Variants in TRPM3 observed in about 807,000 individuals in gnomAD.
TRPM3 encodes the protein transient receptor potential cation channel subfamily M member 3.
A neutral mutation model predicts 181.2 loss-of-function variants in TRPM3; 77 were observed. The ratio of observed to expected loss-of-function variants is 0.42; its 90% CI spans 0.35 to 0.51. TRPM3 has a LOEUF of 0.51. TRPM3 is among the 20% of genes least tolerant of loss of function. The pLI is 0.01. For missense variants in TRPM3, 1,759 were observed against 2,196.7 expected, an observed-to-expected ratio of 0.80 and a Z score of 3.98; for synonymous variants, 745 against 796.4, an observed-to-expected ratio of 0.94 and a Z score of 1.09.
At chr9:71,070,686 AAG>A (rs1367555959) in intron 1 of TRPM3, among the ~76,000 whole-genome samples, 1 of 152,206 alleles carries the variant, frequency 6.6e-6, no homozygotes, top group African/African-American at 2.4e-5. Context: ...ACAGGATAAA[AAG>A]AGATGTTTAA....
intron 1 of TRPM3, among the ~76,000 whole-genome samples, chr9:71,406,608 G>A (rs2093440019): frequency 6.6e-6 from 1 of 152,144 alleles, no homozygotes; most frequent in Admixed American, 6.5e-5. Flanking sequence ...GGAAAAAGCA[G>A]TGTGACTAAA....
chr9:71,005,443 C>A (rs950614743), intron 1 of TRPM3, among the ~76,000 whole-genome samples: 9 of 151,698 alleles, frequency 5.9e-5, no homozygotes, highest in African/African-American at 1.7e-4. Flanking sequence ...GGTTAGCAAC[C>A]AAATTCAACC....
chr9:70,610,806 A>T (rs1438006156), intron 18 of TRPM3, 57 bp from the exon 19 acceptor site: 1 of 1,594,162 alleles, frequency 6.3e-7, no homozygotes, highest in Non-Finnish European at 8.6e-7. Context: ...CATGTTGTTC[A>T]ATGTGCTTAC....
At chr9:71,075,447 G>T (rs1244307572) in intron 1 of TRPM3, among the ~76,000 whole-genome samples, 2 of 152,136 alleles carry the variant, frequency 1.3e-5, no homozygotes, top group Non-Finnish European at 2.9e-5. Flanking sequence ...GCTCATTTTT[G>T]AATATTTGTA....
intron 22 of TRPM3, among the ~76,000 whole-genome samples, chr9:70,556,279 A>G (rs2047682893): frequency 6.6e-6 from 1 of 150,872 alleles, no homozygotes; most frequent in Non-Finnish European, 1.5e-5. Context: ...GAAACTTAAT[A>G]TCTTTATTGA....
At chr9:70,648,184 GA>G (rs2059148613) in intron 9 of TRPM3, among the ~76,000 whole-genome samples, 1 of 152,152 alleles carries the variant, frequency 6.6e-6, no homozygotes, top group Non-Finnish European at 1.5e-5. Flanking sequence ...CATGGAATTA[GA>G]AAAAACTGGC....
chr9:71,293,846 A>G (rs1445136520), intron 1 of TRPM3, among the ~76,000 whole-genome samples: 1 of 151,998 alleles, frequency 6.6e-6, no homozygotes, highest in African/African-American at 2.4e-5. Context: ...AAATAAGCCA[A>G]TGGAATGAGA....
At chr9:70,861,517 A>G (rs537370584) in intron 3 of TRPM3, among the ~76,000 whole-genome samples, 25 of 152,276 alleles carry the variant, frequency 1.6e-4, no homozygotes, top group East Asian at 9.7e-4. Context: ...CCACTCTACA[A>G]TGATTATTGC....
chr9:70,740,670 A>G (rs1260393572), intron 8 of TRPM3, among the ~76,000 whole-genome samples: 1 of 152,106 alleles, frequency 6.6e-6, no homozygotes, highest in Non-Finnish European at 1.5e-5. Context: ...CCAGAAATAA[A>G]GCCAATTGAT....
chr9:71,420,379 G>C (rs113684534), intron 1 of TRPM3, among the ~76,000 whole-genome samples: 1 of 151,884 alleles, frequency 6.6e-6, no homozygotes, highest in Non-Finnish European at 1.5e-5. Flanking sequence ...TGGGGGAAAT[G>C]TGAAAAGGGA....
At chr9:70,977,456 A>C (rs762546019) in intron 1 of TRPM3, among the ~76,000 whole-genome samples, 1 of 152,166 alleles carries the variant, frequency 6.6e-6, no homozygotes, top group Non-Finnish European at 1.5e-5. Context: ...TTCTTTACCC[A>C]CACCACTTCT....
chr9:71,076,844 A>G (rs899005121), intron 1 of TRPM3, among the ~76,000 whole-genome samples: 2 of 152,172 alleles, frequency 1.3e-5, no homozygotes, highest in African/African-American at 4.8e-5. Flanking sequence ...CACAAGGATC[A>G]CTGAATAGAG....
intron 8 of TRPM3, among the ~76,000 whole-genome samples, chr9:70,756,199 T>G (rs1378651480): frequency 1.3e-5 from 2 of 151,494 alleles, no homozygotes; most frequent in African/African-American, 4.9e-5. Context: ...AATCCTAATC[T>G]CTGATAAAAC....
At chr9:71,340,758 A>C (rs531178551) in intron 1 of TRPM3, among the ~76,000 whole-genome samples, 1 of 152,208 alleles carries the variant, frequency 6.6e-6, no homozygotes, top group East Asian at 1.9e-4. Context: ...AAGCAGTGAC[A>C]CCCAGTAGCA....
intron 1 of TRPM3, among the ~76,000 whole-genome samples, chr9:71,045,033 C>G (rs1285376604): frequency 6.6e-6 from 1 of 151,978 alleles, no homozygotes; most frequent in African/African-American, 2.4e-5. Context: ...GACACTCCAT[C>G]GAAGAGTCTC....
chr9:71,240,476 G>T (rs1341382204), intron 1 of TRPM3, among the ~76,000 whole-genome samples: 1 of 152,080 alleles, frequency 6.6e-6, no homozygotes, highest in Non-Finnish European at 1.5e-5. Context: ...ATGACTATTA[G>T]CAACAGGATA....
chr9:70,847,010 T>C (rs965475564), intron 3 of TRPM3, among the ~76,000 whole-genome samples: 4 of 152,306 alleles, frequency 2.6e-5, no homozygotes, highest in African/African-American at 9.6e-5. Flanking sequence ...TTAAGAGGAT[T>C]TGAAAGATTC....
intron 8 of TRPM3, among the ~76,000 whole-genome samples, chr9:70,741,504 A>T (rs953576930): frequency 6.6e-6 from 1 of 152,188 alleles, no homozygotes; most frequent in Admixed American, 6.5e-5. Flanking sequence ...TTATACAAAA[A>T]AAGATACCTG....
intron 1 of TRPM3, among the ~76,000 whole-genome samples, chr9:71,352,904 G>T (rs1191878334): frequency 6.6e-6 from 1 of 152,004 alleles, no homozygotes; most frequent in Non-Finnish European, 1.5e-5. Flanking sequence ...AAACTCCCAG[G>T]TGGGGCCTCA....
Sources: gnomAD v4.1 joint callset for allele counts (sites outside exome capture counted in the v4.1 genomes callset) on GRCh38, gnomAD v4.1.1 for gene constraint, MANE v1.5 for transcripts, NCBI Gene and HGNC (gene_info 2026-07-23, HGNC 2026-07-21) for gene names.